Variants in BCLAF1 observed in about 807,000 individuals in gnomAD.
The protein encoded by BCLAF1 is bcl-2-associated transcription factor 1.
In BCLAF1, 10 loss-of-function variants were observed where a neutral mutation model predicts 99.5. The ratio of observed to expected loss-of-function variants is 0.10; its 90% CI spans 0.06 to 0.17. The LOEUF is 0.17. BCLAF1 is among the 10% of genes least tolerant of loss of function. BCLAF1 has a pLI of 1.00. For missense variants in BCLAF1, 636 were observed against 1,105.8 expected, an observed-to-expected ratio of 0.58 and a Z score of 6.02; for synonymous variants, 255 against 370.9, an observed-to-expected ratio of 0.69 and a Z score of 3.59.
chr6:136,273,330 C>T, intron 6 of BCLAF1, 143 bp from the exon 7 acceptor site: 1 of 674,338 alleles, frequency 1.5e-6, no homozygotes, highest in Admixed American at 3.2e-5. Flanking sequence ...CAAGGAACTC[C>T]TACCCTTTCA....
intron 8 of BCLAF1, 86 bp downstream of exon 8, chr6:136,271,909 C>T (rs1441173699): frequency 1.1e-6 from 1 of 894,366 alleles, no homozygotes; most frequent in African/African-American, 1.7e-5. Flanking sequence ...TATCTATAGA[C>T]ATTTTGCCTT....
At chr6:136,288,282 C>A (rs1437248103) in intron 1 of BCLAF1, among the ~76,000 whole-genome samples, 1 of 152,220 alleles carries the variant, frequency 6.6e-6, no homozygotes, top group Non-Finnish European at 1.5e-5. Flanking sequence ...GACAAGGTCT[C>A]GCTCTGTTGC....
intron 1 of BCLAF1, among the ~76,000 whole-genome samples, chr6:136,283,644 A>G (rs1784678726): frequency 1.3e-5 from 2 of 152,196 alleles, no homozygotes; most frequent in African/African-American, 4.8e-5. Flanking sequence ...ATTCATGAAC[A>G]AGTTTAAATG....
chr6:136,273,991 C>T (rs2128477769), intron 6 of BCLAF1: 1 of 1,244,574 alleles, frequency 8.0e-7, no homozygotes, highest in Admixed American at 2.7e-5. Context: ...TGTCTCATAA[C>T]CAATCATTAA....
At position 136,263,451 on chromosome 6, in the gene BCLAF1, T is replaced by C. The variant is rs115033642; in HGVS notation, c.2545-1974A>G. Among the ~76,000 whole-genome samples, 953 of 152,282 alleles carry C rather than the reference T, an allele frequency of 6.3e-3. 14 individuals carry two copies. Among genetic ancestry groups the C allele is most frequent in the African/African-American group, 0.022 (897 of 41,572 alleles). ...GTAGGGCATCCTGGCAGCTACTTAA[T>C]TGAGATTTTTGATGCTAAACATATT... On this transcript the variant is annotated intron_variant, in intron 11 of 12. Transcript: ENST00000531224.
chr6:136,266,985 G>A (rs770703920), intron 11 of BCLAF1, 44 bp downstream of exon 11: 7 of 1,605,172 alleles, frequency 4.4e-6, no homozygotes, highest in Non-Finnish European at 5.1e-6. Flanking sequence ...AGTATGCTTC[G>A]AAAATTAATG....
At chr6:136,289,666 C>T (rs544180646) in intron 1 of BCLAF1, 47 bp downstream of exon 1, 1 of 152,710 alleles carries the variant, frequency 6.5e-6, no homozygotes, top group East Asian at 1.9e-4. Flanking sequence ...GGCCTGTCCT[C>T]GGTCTTCACT....
chr6:136,268,277 G>A lies in BCLAF1; in HGVS notation c.2282C>T (p.Pro761Leu), dbSNP rs748791032. ...SSSSSASPSS[P>L]SSREEKESKK... ...ACTCTCCTTTTCTTCTCGAGAACTG[G>A]GAGAAGAAGGTGATGCTGAAGAGGA... The change falls in exon 10 of 13, where the codon CCC becomes CTC. Residue 761 changes from proline (P) to leucine (L), a missense_variant. By Grantham distance (98) the Pro-to-Leu change is moderately conservative. Coordinates refer to ENST00000531224, the MANE Select transcript of BCLAF1 (RefSeq NM_014739.3). 6.2e-7 allele frequency: 1 copy of A among 1,604,102 alleles called. No homozygotes were observed. Among genetic ancestry groups the A allele is most frequent in the Non-Finnish European group, 8.5e-7 (1 of 1,175,854 alleles).
At chr6:136,281,997 A>T (rs1031376493) in intron 2 of BCLAF1, among the ~76,000 whole-genome samples, 3 of 152,234 alleles carry the variant, frequency 2.0e-5, no homozygotes, top group East Asian at 3.8e-4. Context: ...TCAAATAGTT[A>T]GCAGTCCAAA....
In BCLAF1 at chr6:136,257,684, G is replaced by T. The variant is rs1292904884; in HGVS notation, c.*3426C>A. On this transcript the variant is annotated 3_prime_UTR_variant, in exon 13 of 13. Coordinates refer to ENST00000531224, the MANE Select transcript of BCLAF1 (RefSeq NM_014739.3). The stretch of plus-strand genomic sequence containing the variant: ...ATGGATATTACTTTCTCATTTTAAG[G>T]CTCAAGAGATTGAGTCTAGCCAAAT... 4 of 151,974 alleles carry T rather than the reference G, an allele frequency of 2.6e-5. No homozygotes were observed. The highest frequency in any genetic ancestry group is 9.7e-5 in the African/African-American group (4 of 41,400). 9.4% of individuals were successfully genotyped at this position (151,974 alleles called of 1,614,324 possible).
At chr6:136,264,846 G>A (rs1045600532) in intron 11 of BCLAF1, among the ~76,000 whole-genome samples, 7 of 152,078 alleles carry the variant, frequency 4.6e-5, no homozygotes, top group Admixed American at 2.0e-4. Context: ...GTTTTATAGA[G>A]ACCAAGATTT....
At chr6:136,273,266 G>A in intron 6 of BCLAF1, 79 bp from the exon 7 acceptor site, 1 of 1,214,066 alleles carries the variant, frequency 8.2e-7, no homozygotes, top group Middle Eastern at 2.0e-4. Context: ...AGGGCATGTA[G>A]CAGGTGAAAA....
chr6:136,286,034 G>A (rs967883515), intron 1 of BCLAF1, among the ~76,000 whole-genome samples: 3 of 152,150 alleles, frequency 2.0e-5, no homozygotes, highest in Non-Finnish European at 2.9e-5. Context: ...AGGAGGCGGA[G>A]GTTGCAGTGA....
chr6:136,267,301 T>G, intron 10 of BCLAF1, 126 bp from the exon 11 acceptor site: 1 of 1,125,708 alleles, frequency 8.9e-7, no homozygotes, highest in Non-Finnish European at 1.2e-6. Flanking sequence ...TCATGGCCAT[T>G]GAGGATGAAA....
intron 2 of BCLAF1, among the ~76,000 whole-genome samples, chr6:136,281,278 G>A (rs1784354305): frequency 6.6e-6 from 1 of 152,138 alleles, no homozygotes; most frequent in African/African-American, 2.4e-5. Flanking sequence ...GGCAAAGTAA[G>A]AATTCCACAA....
rs747846137 is a variant in BCLAF1, at chr6:136,278,740, A to G, written c.141T>C (p.Arg47=). 17 of 1,590,098 alleles carry G rather than the reference A, an allele frequency of 1.1e-5. No individual in the cohort carries two copies. The highest frequency in any genetic ancestry group is 1.0e-5 in the Non-Finnish European group (12 of 1,171,030). Residue 47 remains arginine, a synonymous_variant, in exon 4 of 13, where the codon CGT becomes CGC. Coordinates refer to ENST00000531224, the MANE Select transcript of BCLAF1 (RefSeq NM_014739.3). ...CTCTAGAATACATACGATCTCTACT[A>G]CGAGACCTTGAATATGTTCTGGAAC... ...RSRSRTYSRS[R]SRDRMYSRDY... is the part of the protein sequence containing the mutation.
rs779894729 is a variant in BCLAF1, at chr6:136,277,846, T to A, written c.1016+19A>T. ...ACAAAAACAATATTATAATCTAGAT[T>A]CTGTATTTTAGTTTTTACCTTTTTA... On this transcript the variant is annotated intron_variant, in intron 4 of 12. Coordinates refer to ENST00000531224, the MANE Select transcript of BCLAF1 (RefSeq NM_014739.3). The A allele has an allele frequency of 6.3e-7, 1 of 1,597,974 alleles. No homozygotes were observed. The highest frequency in any genetic ancestry group is 2.2e-5 in the East Asian group (1 of 44,658).
intron 8 of BCLAF1, 165 bp from the exon 9 acceptor site, chr6:136,269,777 T>C (rs1393168631): frequency 6.3e-6 from 3 of 474,508 alleles, no homozygotes; most frequent in Middle Eastern, 5.6e-4. Context: ...TTAAAAAATG[T>C]ACTTGACTAT....
At position 136,277,777 on chromosome 6, in the gene BCLAF1, CAT is replaced by C. The variant is rs1269996500; in HGVS notation, c.1016+86_1016+87del. The C allele has an allele frequency of 2.2e-5, 32 of 1,439,494 alleles. No homozygotes were observed. In the Admixed American group the frequency reaches 7.5e-4, roughly 34 times the overall value. 89.2% of individuals were successfully genotyped at this position (1,439,494 alleles called of 1,614,324 possible). On this transcript the variant is annotated intron_variant, in intron 4 of 12. Transcript: ENST00000531224. ...AAGAGTAAAAACCGCTAGTTAAATA[CAT>C]ATCACAATTTTACGTTTATAATTCC...
Sources: allele counts gnomAD v4.1 joint callset (sites outside exome capture counted in the v4.1 genomes callset), GRCh38; gene constraint gnomAD v4.1.1; transcripts MANE v1.5; gene names NCBI Gene and HGNC (gene_info 2026-07-23, HGNC 2026-07-21).